KATNAL1: variants seen among roughly 807,000 people sequenced by gnomAD.
KATNAL1 encodes katanin p60 ATPase-containing subunit A-like 1.
A neutral mutation model predicts 55.2 loss-of-function variants in KATNAL1; 32 were observed. The observed-to-expected ratio is 0.58, with a 90% CI of 0.44 to 0.78. KATNAL1 has a LOEUF of 0.78. Among genes scored for constraint, KATNAL1 ranks in the 30% least tolerant of loss-of-function variants. The probability of loss-of-function intolerance (pLI) is 0.00; values close to 1 mark genes in which losing one functional copy is unlikely to be tolerated. For synonymous variants in KATNAL1, 193 were observed against 193.6 expected, an observed-to-expected ratio of 1.00 and a Z score of 0.02; for missense variants, 466 against 600.9, an observed-to-expected ratio of 0.78 and a Z score of 2.35.
chr13:30,231,293 T>C lies in KATNAL1; in HGVS notation c.885+21A>G, dbSNP rs762330492. On this transcript the variant is annotated intron_variant, in intron 7 of 10. Coordinates refer to ENST00000380615, the MANE Select transcript of KATNAL1 (RefSeq NM_032116.5). ...TAGGCCTACACACACTACTTTGAAA[T>C]CTGAATATATCGTCACTCACCATCT... 14 of 1,590,826 alleles carry C rather than the reference T, an allele frequency of 8.8e-6. No individual in the cohort carries two copies. The South Asian group carries it at 9.4e-5, about 11-fold the overall frequency.
rs758325851 is a variant in KATNAL1 at position 30,210,387 on chromosome 13, A to G, written c.1203T>C (p.Pro401=). ...KINLREVELD[P]DIQLEDIAEK... Reference sequence around the variant, plus strand: ...CGGCTATATCTTCCAGTTGAATATCAGGATCTAATTCGACCTCACGAAGGT... The same window carrying G: ...CGGCTATATCTTCCAGTTGAATATCGGGATCTAATTCGACCTCACGAAGGT... Residue 401 remains proline (P), a synonymous_variant, in exon 10 of 11, where the codon CCT becomes CCC. Coordinates refer to ENST00000380615, the MANE Select transcript of KATNAL1 (RefSeq NM_032116.5). 1 of 1,608,314 alleles carries G rather than the reference A, an allele frequency of 6.2e-7. No individual in the cohort carries two copies. Among genetic ancestry groups the G allele is most frequent in the South Asian group, 1.1e-5 (1 of 90,178 alleles).
rs1208392712 is a variant in KATNAL1, at chr13:30,207,046, T to C, written c.*1494A>G. ...CAGGGAAAAATAATCAAATCTCTTTTTTTAAAAAAAACCTTCTTAGTATCT... is the reference window on the plus strand; with the variant it reads ...CAGGGAAAAATAATCAAATCTCTTTCTTTAAAAAAAACCTTCTTAGTATCT... On this transcript the variant is annotated 3_prime_UTR_variant, in exon 11 of 11. Coordinates refer to ENST00000380615, the MANE Select transcript of KATNAL1 (RefSeq NM_032116.5). 3 of 152,142 alleles carry C rather than the reference T, an allele frequency of 2.0e-5. No individual in the cohort carries two copies. Among genetic ancestry groups the C allele is most frequent in the Non-Finnish European group, 4.4e-5 (3 of 68,006 alleles). 9.4% of individuals were successfully genotyped at this position (152,142 alleles called of 1,614,324 possible).
At chr13:30,301,888 T>C (rs576152319) in intron 1 of KATNAL1, among the ~76,000 whole-genome samples, 1 of 152,360 alleles carries the variant, frequency 6.6e-6, no homozygotes, top group East Asian at 1.9e-4. Context: ...TTATTTATTT[T>C]TGAGGCAAGG....
At chr13:30,254,108 G>A (rs1294725072) in intron 4 of KATNAL1, among the ~76,000 whole-genome samples, 1 of 152,096 alleles carries the variant, frequency 6.6e-6, no homozygotes, top group African/African-American at 2.4e-5. Context: ...TCCTTACCCT[G>A]TTCTAAAGGT....
chr13:30,283,436 A>G (rs1469848823), intron 2 of KATNAL1, among the ~76,000 whole-genome samples, 180 bp downstream of exon 2: 3 of 152,162 alleles, frequency 2.0e-5, no homozygotes, highest in Non-Finnish European at 4.4e-5. Context: ...TGATCAAAAA[A>G]CATTAACCAG....
intron 1 of KATNAL1, among the ~76,000 whole-genome samples, chr13:30,297,670 G>T (rs1448335320): frequency 1.3e-5 from 2 of 152,150 alleles, no homozygotes; most frequent in African/African-American, 4.8e-5. Context: ...ATATACCATG[G>T]AATACTATAT....
At chr13:30,283,549 C>T in intron 2 of KATNAL1, 67 bp downstream of exon 2, 1 of 1,418,308 alleles carries the variant, frequency 7.1e-7, no homozygotes, top group East Asian at 2.4e-5. Flanking sequence ...GATTTTCCAA[C>T]TCTAATCTCT....
chr13:30,245,197 T>A (rs964216643), intron 4 of KATNAL1, among the ~76,000 whole-genome samples: 20 of 152,088 alleles, frequency 1.3e-4, no homozygotes, highest in African/African-American at 4.6e-4. Flanking sequence ...ATCAAAAAGC[T>A]TATCCACCAC....
In KATNAL1 at chr13:30,210,332, T is replaced by C. The variant is rs1873555763; in HGVS notation, c.1258A>G (p.Ile420Val). ...AAAAAATACCTGCAAACATTAGTGA[T>C]GTCAGCACCAGAATAGCCCTCAATC... ...EKIEGYSGADITNVCRDASLM... is the reference protein window; with the variant it reads ...EKIEGYSGADVTNVCRDASLM... The change falls in exon 10 of 11, where the codon ATC (isoleucine) becomes GTC (valine). Residue 420 changes from isoleucine (I) to valine (V), a missense_variant. By Grantham distance (29) the Ile-to-Val change is conservative (BLOSUM62 3). Transcript: ENST00000380615. The C allele has an allele frequency of 3.1e-6, 5 of 1,599,842 alleles. No homozygotes were observed. Among genetic ancestry groups the C allele is most frequent in the Admixed American group, 1.8e-5 (1 of 56,398 alleles).
chr13:30,231,992 C>CAA (rs1296540785), intron 6 of KATNAL1, among the ~76,000 whole-genome samples: 1 of 152,054 alleles, frequency 6.6e-6, no homozygotes, highest in Admixed American at 6.5e-5. Flanking sequence ...AGTGGTAATT[C>CAA]AAACATAATC....
chr13:30,237,230 A>AT (rs139351351), intron 6 of KATNAL1, among the ~76,000 whole-genome samples: 1,898 of 152,316 alleles, frequency 0.012, 41 homozygotes, highest in African/African-American at 0.044. Context: ...ATAAATATGT[A>AT]TTTACCCAGT....
chr13:30,215,459 TA>T (rs1234519959), intron 9 of KATNAL1, among the ~76,000 whole-genome samples: 3 of 152,142 alleles, frequency 2.0e-5, no homozygotes, highest in Non-Finnish European at 4.4e-5. Flanking sequence ...CATGCTGCTA[TA>T]AAGACACATG....
intron 1 of KATNAL1, among the ~76,000 whole-genome samples, chr13:30,288,019 G>A (rs1024336633): frequency 1.3e-5 from 2 of 152,166 alleles, no homozygotes; most frequent in Non-Finnish European, 2.9e-5. Context: ...TGTAAGACAG[G>A]TTGACTAAGG....
intron 1 of KATNAL1, among the ~76,000 whole-genome samples, chr13:30,298,591 A>G (rs1036745260): frequency 6.6e-6 from 1 of 152,222 alleles, no homozygotes; most frequent in Non-Finnish European, 1.5e-5. Context: ...CTACTGTAAA[A>G]TAAGTACATT....
chr13:30,254,294 A>T (rs1878599913), intron 4 of KATNAL1, among the ~76,000 whole-genome samples: 1 of 152,214 alleles, frequency 6.6e-6, no homozygotes. Flanking sequence ...AACAAATTTT[A>T]AAAGTTAATG....
chr13:30,243,268 G>A (rs1470056195), intron 4 of KATNAL1, among the ~76,000 whole-genome samples: 7 of 151,954 alleles, frequency 4.6e-5, no homozygotes, highest in African/African-American at 1.7e-4. Context: ...CATTAGTGTT[G>A]GATAATCTTC....
chr13:30,250,855 T>G (rs1044949104), intron 4 of KATNAL1, among the ~76,000 whole-genome samples: 1 of 152,204 alleles, frequency 6.6e-6, no homozygotes, highest in Admixed American at 6.5e-5. Flanking sequence ...TTAAAAATAC[T>G]TGGCTGGGCG....
chr13:30,205,788 G>GTGTC lies in KATNAL1; in HGVS notation c.*2751_*2752insGACA, dbSNP rs1491128746. 1 of 134,366 alleles carries GTGTC rather than the reference G, an allele frequency of 7.4e-6. No homozygotes were observed. The highest frequency in any genetic ancestry group is 1.5e-5 in the Non-Finnish European group (1 of 65,206). 8.3% of individuals were successfully genotyped at this position (134,366 alleles called of 1,614,324 possible). On this transcript the variant is annotated 3_prime_UTR_variant, in exon 11 of 11. Coordinates refer to ENST00000380615, the MANE Select transcript of KATNAL1 (RefSeq NM_032116.5). ...TGTGTGTGTGTGTGTGTGTGTGTGT[G>GTGTC]TCTCACGCCTATAAGGCAACACACT...
chr13:30,250,921 G>A (rs1878235657), intron 4 of KATNAL1, among the ~76,000 whole-genome samples: 3 of 152,256 alleles, frequency 2.0e-5, no homozygotes, highest in African/African-American at 7.2e-5. Context: ...GGCGGATCAC[G>A]AGGTCAGGAG....
Sources: gnomAD v4.1 joint callset for allele counts (sites outside exome capture counted in the v4.1 genomes callset) on GRCh38, gnomAD v4.1.1 for gene constraint, MANE v1.5 for transcripts, NCBI Gene and HGNC (gene_info 2026-07-23, HGNC 2026-07-21) for gene names.